ACAN: variants seen among roughly 807,000 people sequenced by gnomAD.
ACAN encodes aggrecan core protein.
In ACAN, 47 loss-of-function variants were observed where a neutral mutation model predicts 169.1. The ratio of observed to expected loss-of-function variants is 0.28; its 90% CI spans 0.22 to 0.35. The LOEUF (loss-of-function observed/expected upper bound fraction) is 0.35. Among genes scored for constraint, ACAN ranks in the 10% least tolerant of loss-of-function variants. The pLI is 1.00. For missense variants in ACAN, 2,716 were observed against 2,759.9 expected, an observed-to-expected ratio of 0.98 and a Z score of 0.36; for synonymous variants, 1,115 against 1,112.2, an observed-to-expected ratio of 1.00 and a Z score of -0.05.
In ACAN at chr15:88,871,664, G is replaced by A. The variant is rs1450339159; in HGVS notation, c.7219+124G>A. ...GCAGGACAGGGACCTGGGGGAGGGG[G>A]AACAGTGTTCCCACAGTCTGAGCTC... On this transcript the variant is annotated intron_variant, in intron 15 of 18. Transcript: ENST00000560601. The surrounding 1 kb of genome is among the most constrained non-coding windows in gnomAD (Gnocchi z 7.8). 31 of 1,312,450 alleles carry A rather than the reference G, an allele frequency of 2.4e-5. No homozygotes were observed. The highest frequency in any genetic ancestry group is 7.1e-5 in the Admixed American group (3 of 42,404). 81.3% of individuals were successfully genotyped at this position (1,312,450 alleles called of 1,614,324 possible).
Position 88,872,847 on chromosome 15 carries a change from C to T in ACAN, c.7303-34C>T, listed in dbSNP as rs531806952. 2 of 1,611,596 alleles carry T rather than the reference C, an allele frequency of 1.2e-6. No individual in the cohort carries two copies. Among genetic ancestry groups the T allele is most frequent in the Admixed American group, 1.7e-5 (1 of 59,980 alleles). ...AGCAGGCCAACCCGCACTGTCCTGC[C>T]CTCTCCTTACTCCTTCCCCACTCCC... On this transcript the variant is annotated intron_variant, in intron 16 of 18. Coordinates refer to ENST00000560601, the MANE Select transcript of ACAN (RefSeq NM_001369268.1). This position sits in a 1 kb window ranked among gnomAD's most constrained non-coding sequence, Gnocchi z 5.4.
intron 1 of ACAN, among the ~76,000 whole-genome samples, 164 bp downstream of exon 1, chr15:88,803,973 G>A (rs191459409): frequency 6.6e-6 from 1 of 152,348 alleles, no homozygotes; most frequent in East Asian, 1.9e-4. Context: ...TGCGTCCGCG[G>A]TGGAGTTGAG....
At chr15:88,864,990 T>G (rs1268593067) in intron 13 of ACAN, among the ~76,000 whole-genome samples, 1 of 152,210 alleles carries the variant, frequency 6.6e-6, no homozygotes, top group African/African-American at 2.4e-5. Context: ...GGCTGTGACC[T>G]AGGCAAAAGC....
rs561378076 is a variant in ACAN, at chr15:88,855,421, G to A, written c.2836G>A (p.Gly946Ser). ...GCCCTCTGGAGCTGAGATCCTAGAG[G>A]GCTCTGCCTCTGGAGTTGGGGATCT... ...ELPSGAEILEGSASGVGDLSG... is the reference protein window; with the variant it reads ...ELPSGAEILESSASGVGDLSG... The change falls in exon 12 of 19, where the codon GGC becomes AGC. Residue 946 changes from glycine to serine, a missense_variant. Around this residue, in one of 3 missense-constraint regions of ACAN, gnomAD observed 1,283 missense variants for 1,281.5 expected, o/e 1.00. Coordinates refer to ENST00000560601, the MANE Select transcript of ACAN (RefSeq NM_001369268.1). 3.7e-6 allele frequency: 6 copies of A among 1,613,622 alleles called. No homozygotes were observed. Among genetic ancestry groups the A allele is most frequent in the Middle Eastern group, 1.7e-4 (1 of 6,060 alleles).
In ACAN at chr15:88,855,021, C is replaced by T; in HGVS notation, c.2436C>T (p.Phe812=). The change falls in exon 12 of 19, where the codon TTC becomes TTT. Residue 812 remains phenylalanine (F), a synonymous_variant. Coordinates refer to ENST00000560601, the MANE Select transcript of ACAN (RefSeq NM_001369268.1). Reference sequence around the variant, plus strand: ...AACCATTCCCCTCAGTGAGGCCATTCCCCTCAGTGGAGCTGTTCCCCTCAG... The same window carrying T: ...AACCATTCCCCTCAGTGAGGCCATTTCCCTCAGTGGAGCTGTTCCCCTCAG... ...SEEPFPSVRP[F]PSVELFPSEE... 1 of 1,593,838 alleles carries T rather than the reference C, an allele frequency of 6.3e-7. No individual in the cohort carries two copies. Among genetic ancestry groups the T allele is most frequent in the Non-Finnish European group, 8.5e-7 (1 of 1,171,234 alleles).
At position 88,873,901 on chromosome 15, in the gene ACAN, C is replaced by G. The variant is rs766292185; in HGVS notation, c.7507C>G (p.Arg2503Gly). Residue 2503 changes from arginine to glycine, a missense_variant, in exon 18 of 19, where the codon CGG becomes GGG. By Grantham distance (125) the Arg-to-Gly change is moderately radical. Around this residue, in one of 3 missense-constraint regions of ACAN, gnomAD observed 1,389 missense variants for 1,363.7 expected, o/e 1.02. Coordinates refer to ENST00000560601, the MANE Select transcript of ACAN (RefSeq NM_001369268.1). The surrounding 1 kb of genome is among the most constrained non-coding windows in gnomAD (Gnocchi z 7.5). ...HARTFGQKKD[R>G]YEINSLVRYQ... The stretch of plus-strand genomic sequence containing the variant: ...CAGGACCTTCGGGCAGAAGAAGGAC[C>G]GGTATGAGATCAATTCCCTGGTGCG... 1.2e-6 allele frequency: 2 copies of G among 1,613,818 alleles called. No individual in the cohort carries two copies. Among genetic ancestry groups the G allele is most frequent in the East Asian group, 4.5e-5 (2 of 44,870 alleles).
chr15:88,857,067 G>A lies in ACAN; in HGVS notation c.4482G>A (p.Glu1494=), dbSNP rs1897068750. 6.2e-7 allele frequency: 1 copy of A among 1,612,024 alleles called. No individual in the cohort carries two copies. Among genetic ancestry groups the A allele is most frequent in the East Asian group, 2.2e-5 (1 of 44,756 alleles). Residue 1494 remains glutamate (E), a synonymous_variant, in exon 12 of 19, where the codon GAG becomes GAA. Transcript: ENST00000560601. ...ACATCAGTGGGCTTCCTTCTGGAGA[G>A]GTTGTAGAGACTTCTGCCTCTGGAA... The part of the protein sequence containing the change: ...VEDISGLPSG[E]VVETSASGIE...
Position 88,843,882 on chromosome 15 carries a change from G to A in ACAN, c.1051+234G>A, listed in dbSNP as rs992799720. 1.3e-5 allele frequency among the ~76,000 whole-genome samples: 2 copies of A among 152,092 alleles called. No homozygotes were observed. Among genetic ancestry groups the A allele is most frequent in the Non-Finnish European group, 2.9e-5 (2 of 68,012 alleles). Reference sequence around the variant, plus strand: ...TCTGTCTCATCGGATCAGCACAGACGAGGCTTAAAAACCTCCAAACTGTTT... The same window carrying A: ...TCTGTCTCATCGGATCAGCACAGACAAGGCTTAAAAACCTCCAAACTGTTT... On this transcript the variant is annotated intron_variant, in intron 6 of 18. Coordinates refer to ENST00000560601, the MANE Select transcript of ACAN (RefSeq NM_001369268.1). This position sits in a 1 kb window ranked among gnomAD's most constrained non-coding sequence, Gnocchi z 4.0.
At chr15:88,854,200 T>C (rs1381828651) in intron 11 of ACAN, among the ~76,000 whole-genome samples, 1 of 152,188 alleles carries the variant, frequency 6.6e-6, no homozygotes. Flanking sequence ...CCTTTCTTCC[T>C]CAGAAGGATG....
At chr15:88,834,248 C>T (rs1896442917) in intron 1 of ACAN, among the ~76,000 whole-genome samples, 1 of 152,214 alleles carries the variant, frequency 6.6e-6, no homozygotes, top group Admixed American at 6.5e-5. Flanking sequence ...CGCCATACCC[C>T]CAGCAGCACC....
intron 11 of ACAN, among the ~76,000 whole-genome samples, chr15:88,853,845 C>CTTT (rs56384350): frequency 7.0e-6 from 1 of 143,712 alleles, no homozygotes; most frequent in African/African-American, 2.6e-5. Context: ...GCCCAGCTAA[C>CTTT]TTTTTTTTTT....
intron 2 of ACAN, among the ~76,000 whole-genome samples, chr15:88,837,942 A>G (rs1263139500): frequency 9.2e-5 from 10 of 108,952 alleles, no homozygotes; most frequent in African/African-American, 3.6e-4. Context: ...CCCCATTCCC[A>G]GCAGATCTTT....
chr15:88,841,704 C>T (rs771073044), intron 4 of ACAN, 36 bp from the exon 5 acceptor site: 3 of 1,613,128 alleles, frequency 1.9e-6, no homozygotes, highest in Admixed American at 3.3e-5. Context: ...CCCTTTGTCC[C>T]CTGAGTGTCA....
chr15:88,838,700 G>T lies in ACAN; in HGVS notation c.108G>T (p.Pro36=), dbSNP rs569119258. 3.7e-6 allele frequency: 6 copies of T among 1,602,376 alleles called. No individual in the cohort carries two copies. Among genetic ancestry groups the T allele is most frequent in the Non-Finnish European group, 5.1e-6 (6 of 1,172,940 alleles). ...CGCTGAGTGTCAGCATCCCCCAACC[G>T]TCCCCGCTGAGGGTCCTCCTGGGGA... ...DNSLSVSIPQ[P]SPLRVLLGTS... is the part of the protein sequence containing the mutation. The change falls in exon 3 of 19, where the codon CCG becomes CCT. Residue 36 remains proline (P), a synonymous_variant. Transcript: ENST00000560601. This position sits in a 1 kb window ranked among gnomAD's most constrained non-coding sequence, Gnocchi z 5.1.
chr15:88,869,574 A>C lies in ACAN; in HGVS notation c.7060+1245A>C, dbSNP rs1213359878. On this transcript the variant is annotated intron_variant, in intron 14 of 18. Coordinates refer to ENST00000560601, the MANE Select transcript of ACAN (RefSeq NM_001369268.1). This position sits in a 1 kb window ranked among gnomAD's most constrained non-coding sequence, Gnocchi z 4.2. ...GATTTTCTCCCCATGATACCACAAC[A>C]TTTGCCACAGGGTAGAAGAGTCTGG... Among the ~76,000 whole-genome samples, 1 of 152,162 alleles carries C rather than the reference A, an allele frequency of 6.6e-6. No individual in the cohort carries two copies. The highest frequency in any genetic ancestry group is 2.4e-5 in the African/African-American group (1 of 41,430).
At chr15:88,865,548 G>A (rs566887291) in intron 13 of ACAN, among the ~76,000 whole-genome samples, 1 of 152,320 alleles carries the variant, frequency 6.6e-6, no homozygotes, top group South Asian at 2.1e-4. Context: ...GATAATGAAG[G>A]AGAACATGTG....
chr15:88,841,777 G>A lies in ACAN; in HGVS notation c.667G>A (p.Asp223Asn), dbSNP rs374644024. ...CACTCCCCGGGAAGGCTGCTATGGA[G>A]ACAAGGATGAGTTTCCTGGTGTGAG... ...IHTPREGCYG[D>N]KDEFPGVRTY... Residue 223 changes from aspartate to asparagine, a missense_variant, in exon 5 of 19, where the codon GAC becomes AAC. This residue lies in a region of ACAN where 1,283 missense variants were observed against 1,281.5 expected (regional missense o/e 1.00). Coordinates refer to ENST00000560601, the MANE Select transcript of ACAN (RefSeq NM_001369268.1). The A allele has an allele frequency of 1.9e-6, 3 of 1,613,598 alleles. No individual in the cohort carries two copies. In the African/African-American group the frequency reaches 4.0e-5, roughly 22 times the overall value.
At chr15:88,808,748 A>G (rs117373042) in intron 1 of ACAN, among the ~76,000 whole-genome samples, 441 of 152,336 alleles carry the variant, frequency 2.9e-3, no homozygotes, top group Middle Eastern at 0.02. Flanking sequence ...CAAAATGTCA[A>G]TAGTCCCAAG....
In ACAN at chr15:88,803,767, T is replaced by C. The variant is rs1387379494; in HGVS notation, c.-50T>C. 6.6e-6 allele frequency: 1 copy of C among 152,076 alleles called. No homozygotes were observed. Among genetic ancestry groups the C allele is most frequent in the Non-Finnish European group, 1.5e-5 (1 of 68,040 alleles). The allele number at this position is 152,076 out of a possible 1,614,324, so 9.4% of individuals were successfully genotyped here. ...GAGCCCCCAGCTGCCTCGCCAGGTG[T>C]GTGGGACTGAAGTTCTTGGAGAAGG... On this transcript the variant is annotated 5_prime_UTR_variant, in exon 1 of 19. Coordinates refer to ENST00000560601, the MANE Select transcript of ACAN (RefSeq NM_001369268.1).
Sources: allele counts gnomAD v4.1 joint callset (sites outside exome capture counted in the v4.1 genomes callset), GRCh38; gene constraint gnomAD v4.1.1; regional missense constraint gnomAD v4.1.1; non-coding constraint Gnocchi (gnomAD v3.1); transcripts MANE v1.5; gene names NCBI Gene and HGNC (gene_info 2026-07-23, HGNC 2026-07-21).